Variants in CHST10 observed in about 807,000 individuals in gnomAD.
CHST10 encodes carbohydrate sulfotransferase 10, also known as HNK-1 sulfotransferase.
Under a neutral mutation model 34.7 loss-of-function variants are expected in CHST10, and 24 were observed. That is an observed-to-expected ratio of 0.69 (90% CI 0.50 to 0.97). The LOEUF is 0.97. CHST10 is among the 50% of genes least tolerant of loss of function. CHST10 has a pLI of 0.00. For synonymous variants in CHST10, 161 were observed against 169.3 expected (o/e 0.95, Z 0.38); for missense variants, 402 against 452.1 (o/e 0.89, Z 1.00).
At chr2:100,394,836 G>C (rs1255872809) in intron 6 of CHST10, among the ~76,000 whole-genome samples, 1 of 151,120 alleles carries the variant, frequency 6.6e-6, no homozygotes, top group Non-Finnish European at 1.5e-5. Flanking sequence ...CGATTCTCCT[G>C]CTTCAGCCTC....
At chr2:100,417,007 T>G (rs1448891225) in intron 1 of CHST10, 1 of 1,304,178 alleles carries the variant, frequency 7.7e-7, no homozygotes, top group Non-Finnish European at 1.0e-6. Context: ...CACATGCTCC[T>G]TCTTCCCTGC....
chr2:100,397,814 C>CCCTA, intron 5 of CHST10, 94 bp downstream of exon 5: 1 of 987,432 alleles, frequency 1.0e-6, no homozygotes, highest in Non-Finnish European at 1.5e-6. Context: ...GTCAAACCAG[C>CCCTA]CCTCTTGTGA....
chr2:100,398,747 G>A (rs2104329675), intron 4 of CHST10, among the ~76,000 whole-genome samples: 1 of 152,244 alleles, frequency 6.6e-6, no homozygotes, highest in South Asian at 2.1e-4. Flanking sequence ...TAAGAAGTTT[G>A]GAATCCTCTA....
chr2:100,416,776 A>G, intron 1 of CHST10: 4 of 367,888 alleles, frequency 1.1e-5, no homozygotes, highest in South Asian at 8.1e-5. Flanking sequence ...ACTACTTTCC[A>G]TTCACTGCCC....
intron 6 of CHST10, among the ~76,000 whole-genome samples, chr2:100,395,010 C>T (rs1280773556): frequency 1.3e-5 from 2 of 152,122 alleles, no homozygotes; most frequent in Non-Finnish European, 2.9e-5. Context: ...TGAGCCACTG[C>T]GCCCAGCCTG....
chr2:100,415,170 T>G, intron 1 of CHST10, 59 bp from the exon 2 acceptor site: 1 of 1,060,946 alleles, frequency 9.4e-7, no homozygotes, highest in Non-Finnish European at 1.3e-6. Flanking sequence ...TCAACTTACT[T>G]AATACAACTT....
Position 100,400,814 on chromosome 2 carries a change from G to A in CHST10, c.192+1750C>T, listed in dbSNP as rs535171753. On this transcript the variant is annotated intron_variant, in intron 4 of 6. Coordinates refer to ENST00000264249, the MANE Select transcript of CHST10 (RefSeq NM_004854.5). ...CTGCCTCAGCCTCCCGAGTAGCTGG[G>A]ATTACAGGCACATGCCACCACACCT... is the stretch of plus-strand genomic sequence containing the variant. Among the ~76,000 whole-genome samples, 6 of 152,252 alleles carry A rather than the reference G, an allele frequency of 3.9e-5. No individual in the cohort carries two copies. In the South Asian group the frequency reaches 1.2e-3, roughly 32 times the overall value.
chr2:100,406,701 AC>A lies in CHST10; in HGVS notation c.-27del, dbSNP rs1335138225. On this transcript the variant is annotated 5_prime_UTR_variant, in exon 3 of 7. Transcript: ENST00000264249. ...GTTGTCACACCGCAGCCATTCACTG[AC>A]TCTTCCTGGAAAACACAAGCGAGAT... is the stretch of plus-strand genomic sequence containing the variant. The A allele has an allele frequency of 6.2e-7, 1 of 1,613,520 alleles. No homozygotes were observed. Among genetic ancestry groups the A allele is most frequent in the Admixed American group, 1.7e-5 (1 of 59,954 alleles).
chr2:100,393,527 C>T lies in CHST10; in HGVS notation c.789G>A (p.Trp263Ter). The T allele has an allele frequency of 6.2e-7, 1 of 1,614,060 alleles. No homozygotes were observed. The highest frequency in any genetic ancestry group is 8.5e-7 in the Non-Finnish European group (1 of 1,180,022). ...GAGCACAGAGCTCTACATACGTCAC[C>T]CAGTGAATGATGTGGTCCCCAAACT... ...DLQFGDHIIH[W>*]VTYVELCAPC... Residue 263 changes from tryptophan to a stop codon, truncating the protein, a stop_gained, in exon 7 of 7, where the codon TGG becomes TGA. Transcript: ENST00000264249. LOFTEE classifies it high-confidence loss of function.
In CHST10 at chr2:100,406,709, T is replaced by C; in HGVS notation, c.-32-2A>G. 1 of 1,613,554 alleles carries C rather than the reference T, an allele frequency of 6.2e-7. No individual in the cohort carries two copies. The highest frequency in any genetic ancestry group is 8.5e-7 in the Non-Finnish European group (1 of 1,179,820). On this transcript the variant is annotated splice_acceptor_variant, in intron 2 of 6. Transcript: ENST00000264249. LOFTEE classifies it low-confidence loss of function (5UTR_SPLICE). Reference sequence around the variant, plus strand: ...ACCGCAGCCATTCACTGACTCTTCCTGGAAAACACAAGCGAGATGCCCCTG... The same window carrying C: ...ACCGCAGCCATTCACTGACTCTTCCCGGAAAACACAAGCGAGATGCCCCTG...
At chr2:100,400,410 T>C (rs1252554380) in intron 4 of CHST10, among the ~76,000 whole-genome samples, 1 of 152,122 alleles carries the variant, frequency 6.6e-6, no homozygotes, top group Non-Finnish European at 1.5e-5. Context: ...CACCTGATTT[T>C]TGTATTTTGT....
Position 100,393,893 on chromosome 2 carries a change from G to A in CHST10, c.534-111C>T, listed in dbSNP as rs994229881. 8 of 803,742 alleles carry A rather than the reference G, an allele frequency of 1.0e-5. No individual in the cohort carries two copies. The African/African-American group carries it at 1.4e-4, about 14-fold the overall frequency. The allele number at this position is 803,742 out of a possible 1,614,324, so 49.8% of individuals were successfully genotyped here. On this transcript the variant is annotated intron_variant, in intron 6 of 6. Transcript: ENST00000264249. ...GCAGCACTGTGTATGGGACCCTCAC[G>A]TGCCGAGGCTGCCATGAATGCATTC...
intron 1 of CHST10, chr2:100,415,794 A>C (rs1178156558): frequency 6.6e-6 from 1 of 152,302 alleles, no homozygotes; most frequent in Non-Finnish European, 1.5e-5. Flanking sequence ...ATGTATCGTT[A>C]GGCGATGTTC....
chr2:100,395,482 CCT>C, intron 6 of CHST10, 25 bp downstream of exon 6: 2 of 1,592,584 alleles, frequency 1.3e-6, no homozygotes, highest in Non-Finnish European at 1.7e-6. Context: ...AAAACTCCCC[CCT>C]CCCCTTTGAG....
At chr2:100,413,855 G>A (rs1675949657) in intron 2 of CHST10, among the ~76,000 whole-genome samples, 1 of 152,072 alleles carries the variant, frequency 6.6e-6, no homozygotes, top group Non-Finnish European at 1.5e-5. Flanking sequence ...AAGTCCCATG[G>A]TAAATAAGCC....
intron 1 of CHST10, chr2:100,416,153 T>G (rs576422393): frequency 6.6e-6 from 1 of 152,332 alleles, no homozygotes; most frequent in African/African-American, 2.4e-5. Flanking sequence ...AATGAACTCC[T>G]GGGTTTCTGC....
At chr2:100,416,915 A>C in intron 1 of CHST10, 1 of 1,261,230 alleles carries the variant, frequency 7.9e-7, no homozygotes, top group Non-Finnish European at 1.1e-6. Flanking sequence ...CTGACAGCGA[A>C]GATCAGAGGC....
chr2:100,414,121 G>A (rs1219359706), intron 2 of CHST10, among the ~76,000 whole-genome samples: 12 of 152,164 alleles, frequency 7.9e-5, no homozygotes, highest in Admixed American at 7.9e-4. Context: ...GAAAAGGCAG[G>A]ACAGATTGTG....
chr2:100,392,068 C>T lies in CHST10; in HGVS notation c.*1177G>A, dbSNP rs897966575. The T allele has an allele frequency of 1.3e-5, 2 of 152,784 alleles. No individual in the cohort carries two copies. The highest frequency in any genetic ancestry group is 6.8e-3 in the Middle Eastern group (2 of 294). The allele number at this position is 152,784 out of a possible 1,614,324, so 9.5% of individuals were successfully genotyped here. On this transcript the variant is annotated 3_prime_UTR_variant, in exon 7 of 7. Coordinates refer to ENST00000264249, the MANE Select transcript of CHST10 (RefSeq NM_004854.5). ...GGCTGTGGACGGTATCTGAAATGGT[C>T]GCTGCGGCTTGCCCTGCACCAGGGC...
Sources: gnomAD v4.1 joint callset for allele counts (sites outside exome capture counted in the v4.1 genomes callset) on GRCh38, gnomAD v4.1.1 for gene constraint, MANE v1.5 for transcripts, NCBI Gene and HGNC (gene_info 2026-07-23, HGNC 2026-07-21) for gene names.